Variants in CADM2 observed in about 807,000 individuals in gnomAD.
The protein encoded by CADM2 is cell adhesion molecule 2, also known as immunoglobulin superfamily member 4D.
A neutral mutation model predicts 49.8 loss-of-function variants in CADM2; 12 were observed. The observed-to-expected ratio is 0.24, with a 90% CI of 0.15 to 0.39. The LOEUF (loss-of-function observed/expected upper bound fraction) is 0.39. Ranked by LOEUF, CADM2 falls within the 10% of genes least tolerant of loss-of-function variation. The pLI, the probability that CADM2 is intolerant of heterozygous loss-of-function variation, is 1.00. For synonymous variants in CADM2, 214 were observed against 175.4 expected (o/e 1.22, Z -1.74); for missense variants, 378 against 492.3 (o/e 0.77, Z 2.20).
At position 85,062,061 on chromosome 3, in the gene CADM2, GTCTC is replaced by G. The variant is rs1234329666; in HGVS notation, c.61+102400_61+102403del. 6.7e-5 allele frequency among the ~76,000 whole-genome samples: 10 copies of G among 148,310 alleles called. No homozygotes were observed. In the East Asian group the frequency reaches 1.2e-3, roughly 18 times the overall value. ...TGTCTCTCTCTCTGTCTCTCTCTCT[GTCTC>G]TCTCTCACTCATACACACACACGCA... On this transcript the variant is annotated intron_variant, in intron 1 of 9. Transcript: ENST00000383699.
In CADM2 at chr3:85,735,499, G is replaced by C. The variant is rs778970460; in HGVS notation, c.88+8951G>C. Among the ~76,000 whole-genome samples, 113 of 152,260 alleles carry C rather than the reference G, an allele frequency of 7.4e-4. 2 individuals are homozygous for C. The highest frequency in any genetic ancestry group is 5.3e-4 in the Non-Finnish European group (36 of 68,022). On this transcript the variant is annotated intron_variant, in intron 2 of 9. Coordinates refer to ENST00000383699, the MANE Select transcript of CADM2 (RefSeq NM_001167675.2). Reference sequence around the variant, plus strand: ...TTTTTGGTATCCTTCAAGTGAAGTAGAGAGCCATGGGAAGTTTCAGCAGAA... The same window carrying C: ...TTTTTGGTATCCTTCAAGTGAAGTACAGAGCCATGGGAAGTTTCAGCAGAA...
At chr3:85,391,381 A>G (rs1285534977) in intron 1 of CADM2, among the ~76,000 whole-genome samples, 1 of 152,068 alleles carries the variant, frequency 6.6e-6, no homozygotes, top group Non-Finnish European at 1.5e-5. Context: ...AAGATTTTTC[A>G]GTGGAAGAGG....
chr3:85,484,253 T>C (rs913487226), intron 1 of CADM2, among the ~76,000 whole-genome samples: 2 of 152,080 alleles, frequency 1.3e-5, no homozygotes, highest in African/African-American at 4.8e-5. Flanking sequence ...GGGACAATGA[T>C]GTCAGCATTG....
At chr3:85,340,375 A>T (rs1413952997) in intron 1 of CADM2, among the ~76,000 whole-genome samples, 1 of 151,510 alleles carries the variant, frequency 6.6e-6, no homozygotes, top group Non-Finnish European at 1.5e-5. Flanking sequence ...TAGGGATTTT[A>T]AAGAACATTA....
chr3:85,114,500 A>G (rs2038571506), intron 1 of CADM2, among the ~76,000 whole-genome samples: 1 of 152,218 alleles, frequency 6.6e-6, no homozygotes, highest in Admixed American at 6.5e-5. Context: ...AGTTACCTGA[A>G]CAGTAATTAA....
chr3:85,679,136 T>A (rs2065968585), intron 1 of CADM2, among the ~76,000 whole-genome samples: 1 of 151,832 alleles, frequency 6.6e-6, no homozygotes, highest in South Asian at 2.1e-4. Context: ...ATATGATAAA[T>A]AAAAGGAAGA....
At chr3:85,264,054 G>A (rs2043069626) in intron 1 of CADM2, among the ~76,000 whole-genome samples, 2 of 151,900 alleles carry the variant, frequency 1.3e-5, no homozygotes, top group South Asian at 4.2e-4. Flanking sequence ...AATTTTTCAG[G>A]TTCTCCGTTA....
At chr3:85,238,237 A>G (rs886565186) in intron 1 of CADM2, among the ~76,000 whole-genome samples, 4 of 152,138 alleles carry the variant, frequency 2.6e-5, no homozygotes, top group Admixed American at 2.0e-4. Flanking sequence ...AGAACGTATC[A>G]GTGTGCCATA....
At chr3:85,170,741 G>A (rs911592636) in intron 1 of CADM2, among the ~76,000 whole-genome samples, 1 of 152,178 alleles carries the variant, frequency 6.6e-6, no homozygotes, top group African/African-American at 2.4e-5. Context: ...TGACCCAAAT[G>A]TACTTTCAGA....
At chr3:85,935,532 T>A (rs973685107) in intron 6 of CADM2, among the ~76,000 whole-genome samples, 25 of 152,052 alleles carry the variant, frequency 1.6e-4, no homozygotes, top group African/African-American at 6.0e-4. Context: ...ATTTCAGAAA[T>A]AATACAACAG....
intron 3 of CADM2, among the ~76,000 whole-genome samples, chr3:85,867,749 A>C (rs1335365968): frequency 2.6e-5 from 4 of 152,054 alleles, no homozygotes; most frequent in African/African-American, 2.4e-5. Flanking sequence ...AGCATTGTAC[A>C]CTTCTTCAGA....
intron 1 of CADM2, among the ~76,000 whole-genome samples, chr3:85,333,107 T>C (rs1433930133): frequency 1.3e-5 from 2 of 151,840 alleles, no homozygotes; most frequent in African/African-American, 4.8e-5. Flanking sequence ...ATAATGCTCC[T>C]GTGGGATTTA....
intron 1 of CADM2, among the ~76,000 whole-genome samples, chr3:85,495,183 A>G (rs1476598971): frequency 6.6e-6 from 1 of 152,204 alleles, no homozygotes; most frequent in African/African-American, 2.4e-5. Flanking sequence ...AGAGAAATGG[A>G]TGATGGCTGT....
In CADM2 at chr3:85,807,837, C is replaced by G. The variant is rs553077785; in HGVS notation, c.238+5641C>G. Among the ~76,000 whole-genome samples, 8 of 152,094 alleles carry G rather than the reference C, an allele frequency of 5.3e-5. No homozygotes were observed. The South Asian group carries it at 1.7e-3, about 32-fold the overall frequency. On this transcript the variant is annotated intron_variant, in intron 3 of 9. Coordinates refer to ENST00000383699, the MANE Select transcript of CADM2 (RefSeq NM_001167675.2). Reference sequence around the variant, plus strand: ...GGCTAGTAGAATATGTTATTTTTAACTGAGAAAACCCTTAGGCTATCATAA... The same window carrying G: ...GGCTAGTAGAATATGTTATTTTTAAGTGAGAAAACCCTTAGGCTATCATAA...
intron 1 of CADM2, among the ~76,000 whole-genome samples, chr3:85,111,857 A>G (rs2038471672): frequency 1.3e-5 from 2 of 151,936 alleles, no homozygotes; most frequent in Non-Finnish European, 1.5e-5. Context: ...GAAACATTTT[A>G]TCTTAACATT....
In CADM2 at chr3:85,479,444, G is replaced by C. The variant is rs200442004; in HGVS notation, c.62-247078G>C. 1.9e-3 allele frequency among the ~76,000 whole-genome samples: 78 copies of C among 41,800 alleles called. No homozygotes were observed. The East Asian group carries it at 0.26, about 138-fold the overall frequency. The allele number at this position is 41,800 out of a possible 152,430, so 27.4% of individuals were successfully genotyped here. ...AATCCTTACAACAAACTTTAAAGAT[G>C]GGTATTTCCTCTTTCTGATTGTTAA... is the stretch of plus-strand genomic sequence containing the variant. On this transcript the variant is annotated intron_variant, in intron 1 of 9. Coordinates refer to ENST00000383699, the MANE Select transcript of CADM2 (RefSeq NM_001167675.2).
At position 86,069,134 on chromosome 3, in the gene CADM2, A is replaced by G. The variant is rs1476182464; in HGVS notation, c.*2351A>G. ...AATTGCTACTCTTCATCGATGCCGTATTTACATCCCTCTTCATTTCATCTA... is the reference window on the plus strand; with the variant it reads ...AATTGCTACTCTTCATCGATGCCGTGTTTACATCCCTCTTCATTTCATCTA... On this transcript the variant is annotated 3_prime_UTR_variant, in exon 10 of 10. Coordinates refer to ENST00000383699, the MANE Select transcript of CADM2 (RefSeq NM_001167675.2). 1.3e-5 allele frequency: 2 copies of G among 151,958 alleles called. No homozygotes were observed. Among genetic ancestry groups the G allele is most frequent in the Admixed American group, 6.6e-5 (1 of 15,242 alleles). The allele number at this position is 151,958 out of a possible 1,614,324, so 9.4% of individuals were successfully genotyped here. A position where few individuals can be genotyped will look rare whatever the true frequency, so the allele number is the denominator to read the frequency against.
intron 1 of CADM2, among the ~76,000 whole-genome samples, chr3:85,439,058 AATT>A (rs2037062589): frequency 6.6e-6 from 1 of 151,960 alleles, no homozygotes; most frequent in Non-Finnish European, 1.5e-5. Context: ...CTCGATAGAT[AATT>A]ATCATGTAAC....
chr3:85,146,127 A>G (rs1379596104), intron 1 of CADM2, among the ~76,000 whole-genome samples: 2 of 152,186 alleles, frequency 1.3e-5, no homozygotes, highest in Non-Finnish European at 2.9e-5. Context: ...CTGCGAGTTA[A>G]TATCTGTAAA....
Sources: gnomAD v4.1 joint callset for allele counts (sites outside exome capture counted in the v4.1 genomes callset) on GRCh38, gnomAD v4.1.1 for gene constraint, MANE v1.5 for transcripts, NCBI Gene and HGNC (gene_info 2026-07-23, HGNC 2026-07-21) for gene names.